GARIN2: variants seen among roughly 807,000 people sequenced by gnomAD.
GARIN2 encodes the protein Golgi-associated RAB2 interactor protein 2.
chr14:67,200,153 C>T, the GARIN2 span: 4 of 1,150,682 alleles, frequency 3.5e-6, no homozygotes, highest in Non-Finnish European at 2.5e-6. Context: ...ATGGGTCACC[C>T]AGGTCCTATG....
At chr14:67,203,952 T>G in the GARIN2 span, among the ~76,000 whole-genome samples, 1 of 152,174 alleles carries the variant, frequency 6.6e-6, no homozygotes, top group Non-Finnish European at 1.5e-5. Context: ...CCTCAGGTGA[T>G]CCACCCGCCT....
chr14:67,221,894 G>A, the GARIN2 span: 1 of 1,527,212 alleles, frequency 6.5e-7, no homozygotes, highest in South Asian at 1.2e-5. Flanking sequence ...GTGTGGCTAA[G>A]AGCAAAGGAA....
chr14:67,199,215 C>G, the GARIN2 span: 1 of 1,606,936 alleles, frequency 6.2e-7, no homozygotes, highest in South Asian at 1.1e-5. Context: ...AGTCACTGGC[C>G]AGCACCAAGG....
At chr14:67,208,899 AAAAAAAAAAAGAAAAG>A in the GARIN2 span, among the ~76,000 whole-genome samples, 1 of 151,360 alleles carries the variant, frequency 6.6e-6, no homozygotes, top group South Asian at 2.1e-4. Flanking sequence ...TCTGTCTCAA[AAAAAAAAAAAGAAAAG>A]AAAAAAAAAA....
At chr14:67,203,911 C>T in the GARIN2 span, among the ~76,000 whole-genome samples, 1 of 152,178 alleles carries the variant, frequency 6.6e-6, no homozygotes, top group Non-Finnish European at 1.5e-5. Flanking sequence ...AGAGTTTCAC[C>T]ATATTGGTCA....
the GARIN2 span, among the ~76,000 whole-genome samples, chr14:67,213,239 G>A: frequency 1.3e-5 from 2 of 149,460 alleles, no homozygotes; most frequent in Non-Finnish European, 3.0e-5. Flanking sequence ...ATGTATACAT[G>A]TGCCATGCTG....
the GARIN2 span, chr14:67,204,406 C>A: frequency 7.7e-7 from 1 of 1,293,102 alleles, no homozygotes; most frequent in Non-Finnish European, 1.0e-6. Context: ...ATCACCACTG[C>A]ACTCCAACGT....
chr14:67,202,350 A>G, the GARIN2 span, among the ~76,000 whole-genome samples: 3 of 152,288 alleles, frequency 2.0e-5, no homozygotes, highest in South Asian at 6.2e-4. Flanking sequence ...CTGAGACAGG[A>G]GAATCATTTG....
At chr14:67,201,017 T>G in the GARIN2 span, among the ~76,000 whole-genome samples, 2 of 152,172 alleles carry the variant, frequency 1.3e-5, no homozygotes, top group Non-Finnish European at 2.9e-5. Context: ...ACAATTAGGC[T>G]GGGTGCAGTG....
the GARIN2 span, chr14:67,221,829 A>G: frequency 4.3e-6 from 7 of 1,611,692 alleles, no homozygotes; most frequent in Non-Finnish European, 5.9e-6. Context: ...ATTCCACTAC[A>G]TGTTTTATTG....
chr14:67,208,145 A>G, the GARIN2 span: 20 of 1,595,950 alleles, frequency 1.3e-5, no homozygotes, highest in Non-Finnish European at 1.6e-5. Context: ...TTCCACAAAC[A>G]CCTATTACCT....
At chr14:67,193,565 C>CTA in the GARIN2 span, among the ~76,000 whole-genome samples, 2 of 138,540 alleles carry the variant, frequency 1.4e-5, no homozygotes, top group South Asian at 2.3e-4. Context: ...AGATCTATAT[C>CTA]TATATAGATC....
At chr14:67,225,012 C>T in the GARIN2 span, 3 of 947,258 alleles carry the variant, frequency 3.2e-6, no homozygotes, top group Non-Finnish European at 4.6e-6. Context: ...GCTCTTTCTC[C>T]TTCTGTGCCT....
chr14:67,221,769 A>G, the GARIN2 span: 15 of 1,613,042 alleles, frequency 9.3e-6, no homozygotes, highest in African/African-American at 6.7e-5. Context: ...TGTGCTATTT[A>G]TTTTTACAGG....
At chr14:67,225,389 G>A in the GARIN2 span, 30 of 582,626 alleles carry the variant, frequency 5.1e-5, no homozygotes, top group Non-Finnish European at 7.8e-5. Context: ...AACAATATAA[G>A]TGGAATGAAA....
the GARIN2 span, among the ~76,000 whole-genome samples, chr14:67,217,155 G>T: frequency 6.8e-6 from 1 of 147,870 alleles, no homozygotes; most frequent in South Asian, 2.2e-4. Context: ...ACTATAGAAT[G>T]ACTTTCTTCA....
the GARIN2 span, among the ~76,000 whole-genome samples, chr14:67,210,277 T>C: frequency 6.6e-6 from 1 of 152,140 alleles, no homozygotes; most frequent in Non-Finnish European, 1.5e-5. Context: ...GAAAAAGCCA[T>C]GGGCAGAATT....
At chr14:67,223,307 G>A in the GARIN2 span, among the ~76,000 whole-genome samples, 12 of 152,122 alleles carry the variant, frequency 7.9e-5, no homozygotes, top group South Asian at 2.1e-4. Flanking sequence ...GCCCCCATTG[G>A]GCTTTAGTGT....
At chr14:67,203,316 T>G in the GARIN2 span, 2 of 1,534,102 alleles carry the variant, frequency 1.3e-6, no homozygotes, top group African/African-American at 1.4e-5. Context: ...GAGAAGAGGT[T>G]AAAGATCTCT....
Sources: gnomAD v4.1 joint callset for allele counts (sites outside exome capture counted in the v4.1 genomes callset) on GRCh38, gnomAD v4.1.1 for gene constraint, MANE v1.5 for transcripts, NCBI Gene and HGNC (gene_info 2026-07-23, HGNC 2026-07-21) for gene names.